The following CDK19 variants were observed in gnomAD, a reference collection of about 807,000 sequenced individuals.
CDK19 encodes the protein cyclin dependent kinase 19, also known as cyclin-dependent kinase 19.
A neutral mutation model predicts 68.3 loss-of-function variants in CDK19; 20 were observed. The observed-to-expected ratio is 0.29, with a 90% confidence interval of 0.21 to 0.43. The LOEUF (loss-of-function observed/expected upper bound fraction) is 0.43. Among genes scored for constraint, CDK19 ranks in the 20% least tolerant of loss-of-function variants. The pLI is 1.00. For synonymous variants in CDK19, 221 were observed against 222.8 expected, an observed-to-expected ratio of 0.99 and a Z score of 0.07; for missense variants, 339 against 623.5, an observed-to-expected ratio of 0.54 and a Z score of 4.86.
chr6:110,766,803 C>A (rs1467089007), intron 1 of CDK19, among the ~76,000 whole-genome samples: 32 of 151,790 alleles, frequency 2.1e-4, no homozygotes. Flanking sequence ...AGTTCCAGAC[C>A]AGCCTGGGCA....
At chr6:110,683,701 CTTT>C (rs200335188) in intron 2 of CDK19, among the ~76,000 whole-genome samples, 2 of 127,376 alleles carry the variant, frequency 1.6e-5, no homozygotes, top group Middle Eastern at 4.0e-3. Flanking sequence ...AGTATTTAAT[CTTT>C]TTTTTTTTTT....
chr6:110,682,123 C>A (rs1173181587), intron 2 of CDK19, among the ~76,000 whole-genome samples: 1 of 152,178 alleles, frequency 6.6e-6, no homozygotes, highest in Non-Finnish European at 1.5e-5. Flanking sequence ...TTTTCAAGGG[C>A]ATTCTGAATG....
intron 4 of CDK19, among the ~76,000 whole-genome samples, chr6:110,665,187 T>C (rs1781848692): frequency 1.3e-5 from 2 of 152,172 alleles, no homozygotes; most frequent in South Asian, 4.2e-4. Flanking sequence ...AAACAGATTG[T>C]TGACAACAGA....
chr6:110,723,109 A>G (rs1010431502), intron 2 of CDK19, among the ~76,000 whole-genome samples: 1 of 148,230 alleles, frequency 6.7e-6, no homozygotes, highest in African/African-American at 2.5e-5. Flanking sequence ...TGTGGAAATG[A>G]CAATGCTCAG....
chr6:110,620,117 T>A (rs1360138209), intron 12 of CDK19, among the ~76,000 whole-genome samples: 3 of 152,102 alleles, frequency 2.0e-5, no homozygotes, highest in Non-Finnish European at 4.4e-5. Flanking sequence ...GGAAGTATTA[T>A]GTACTCTTCT....
At chr6:110,773,680 A>T (rs1780198684) in intron 1 of CDK19, among the ~76,000 whole-genome samples, 1 of 152,174 alleles carries the variant, frequency 6.6e-6, no homozygotes, top group Non-Finnish European at 1.5e-5. Flanking sequence ...TCTAAATGTT[A>T]CTTTTTTTAA....
chr6:110,715,699 T>C (rs1018888004), intron 2 of CDK19, among the ~76,000 whole-genome samples: 20 of 152,126 alleles, frequency 1.3e-4, no homozygotes, highest in African/African-American at 4.8e-4. Context: ...TTGGTCAGGC[T>C]GGTCTCAAAC....
intron 4 of CDK19, among the ~76,000 whole-genome samples, chr6:110,640,598 G>C (rs1780082821): frequency 6.6e-6 from 1 of 152,152 alleles, no homozygotes; most frequent in African/African-American, 2.4e-5. Flanking sequence ...ACACAGAAAA[G>C]TTATAAGAGG....
intron 12 of CDK19, among the ~76,000 whole-genome samples, chr6:110,616,093 A>G (rs1778295899): frequency 6.6e-6 from 1 of 152,212 alleles, no homozygotes; most frequent in African/African-American, 2.4e-5. Flanking sequence ...GAGGAGGCTG[A>G]TAATAAAACT....
intron 2 of CDK19, among the ~76,000 whole-genome samples, chr6:110,713,331 C>T (rs1775100685): frequency 1.3e-5 from 2 of 151,160 alleles, no homozygotes; most frequent in Admixed American, 1.3e-4. Context: ...CCTGTGGAGG[C>T]TGAGGCAGGA....
At chr6:110,707,797 C>T (rs1487668695) in intron 2 of CDK19, among the ~76,000 whole-genome samples, 2 of 152,032 alleles carry the variant, frequency 1.3e-5, no homozygotes, top group Admixed American at 6.6e-5. Context: ...CATGGTGAAA[C>T]CCCATGTCTA....
intron 8 of CDK19, among the ~76,000 whole-genome samples, chr6:110,626,410 T>C (rs1779091139): frequency 6.6e-6 from 1 of 152,248 alleles, no homozygotes; most frequent in Admixed American, 6.5e-5. Flanking sequence ...TTTGAATGTT[T>C]ATGTCCCCTC....
At chr6:110,626,928 T>G in intron 7 of CDK19, 74 bp downstream of exon 7, 1 of 1,433,348 alleles carries the variant, frequency 7.0e-7, no homozygotes, top group South Asian at 1.3e-5. Context: ...AAATATACAT[T>G]AAAATATGCT....
At chr6:110,734,362 C>A (rs189368255) in intron 2 of CDK19, among the ~76,000 whole-genome samples, 5 of 152,206 alleles carry the variant, frequency 3.3e-5, no homozygotes, top group South Asian at 4.2e-4. Context: ...GTGAGGGTAA[C>A]CCTAGTTGCA....
chr6:110,743,539 G>T (rs1777840377), intron 2 of CDK19, among the ~76,000 whole-genome samples: 1 of 152,094 alleles, frequency 6.6e-6, no homozygotes, highest in African/African-American at 2.4e-5. Flanking sequence ...TTATTTGGGA[G>T]GCTGAGGCAG....
At chr6:110,717,323 A>G (rs1172428527) in intron 2 of CDK19, among the ~76,000 whole-genome samples, 1 of 152,066 alleles carries the variant, frequency 6.6e-6, no homozygotes, top group East Asian at 2.0e-4. Flanking sequence ...ATCTCAAAAT[A>G]CCACTTTAAA....
At chr6:110,763,812 A>C (rs1421530211) in intron 1 of CDK19, among the ~76,000 whole-genome samples, 1 of 152,208 alleles carries the variant, frequency 6.6e-6, no homozygotes, top group Non-Finnish European at 1.5e-5. Context: ...GGCAAAAATA[A>C]AACTTTGTTC....
chr6:110,683,939 C>T (rs1487545494), intron 2 of CDK19, among the ~76,000 whole-genome samples: 2 of 151,284 alleles, frequency 1.3e-5, no homozygotes, highest in East Asian at 3.9e-4. Flanking sequence ...AAATTCCTGA[C>T]CTCAGGTGAT....
intron 2 of CDK19, among the ~76,000 whole-genome samples, chr6:110,681,933 C>A (rs886714461): frequency 2.6e-5 from 4 of 152,154 alleles, no homozygotes; most frequent in East Asian, 1.9e-4. Context: ...TTTCACTGTC[C>A]TAAATGTAAA....
Sources: gnomAD v4.1 joint callset for allele counts (sites outside exome capture counted in the v4.1 genomes callset) on GRCh38, gnomAD v4.1.1 for gene constraint, MANE v1.5 for transcripts, NCBI Gene and HGNC (gene_info 2026-07-23, HGNC 2026-07-21) for gene names.